Variants in NR5A2 observed in about 807,000 individuals in gnomAD.
The protein encoded by NR5A2 is CYP7A promoter-binding factor.
In NR5A2, 26 loss-of-function variants were observed where a neutral mutation model predicts 62.7. The observed-to-expected ratio is 0.41, with a 90% CI of 0.30 to 0.58. The LOEUF (loss-of-function observed/expected upper bound fraction) is 0.58. Among genes scored for constraint, NR5A2 ranks in the 20% least tolerant of loss-of-function variants. The pLI is 0.22. For missense variants in NR5A2, 541 were observed against 669.1 expected (o/e 0.81, Z 2.11); for synonymous variants, 246 against 241.7 (o/e 1.02, Z -0.16).
intron 7 of NR5A2, among the ~76,000 whole-genome samples, chr1:200,157,734 A>G (rs1272551884): frequency 1.3e-5 from 2 of 152,232 alleles, no homozygotes; most frequent in African/African-American, 4.8e-5. Context: ...CTTGTTAGGC[A>G]ACTAGTTTCC....
In NR5A2 at chr1:200,177,124, G is replaced by T. The variant is rs952234783; in HGVS notation, c.*2914G>T. On this transcript the variant is annotated 3_prime_UTR_variant, in exon 8 of 8. Transcript: ENST00000367362. ...TGCCTTATCAATTACAGGATTTGCC[G>T]GTAAAAGCAGACTCAAATATAAAGG... The T allele has an allele frequency of 6.6e-6, 1 of 152,474 alleles. No homozygotes were observed. The highest frequency in any genetic ancestry group is 2.1e-4 in the South Asian group (1 of 4,824). 9.4% of individuals were successfully genotyped at this position (152,474 alleles called of 1,614,324 possible).
chr1:200,058,112 G>T (rs1265813430), intron 5 of NR5A2: 2 of 152,208 alleles, frequency 1.3e-5, no homozygotes, highest in African/African-American at 2.4e-5. Flanking sequence ...TGTACTTTCA[G>T]TAAAGTACTT....
chr1:200,174,768 C>T lies in NR5A2; in HGVS notation c.*558C>T, dbSNP rs1654344962. 1 of 152,632 alleles carries T rather than the reference C, an allele frequency of 6.6e-6. No homozygotes were observed. Among genetic ancestry groups the T allele is most frequent in the Non-Finnish European group, 1.5e-5 (1 of 68,054 alleles). The allele number at this position is 152,632 out of a possible 1,614,324, so 9.5% of individuals were successfully genotyped here. On this transcript the variant is annotated 3_prime_UTR_variant, in exon 8 of 8. Coordinates refer to ENST00000367362, the MANE Select transcript of NR5A2 (RefSeq NM_205860.3). ...TCTGTACTAAGGACCTGTGTTCAGC[C>T]ACACCCAGTGGTAGCTCCACCAAAT...
At chr1:200,138,757 C>T (rs1667329620) in intron 7 of NR5A2, among the ~76,000 whole-genome samples, 1 of 152,050 alleles carries the variant, frequency 6.6e-6, no homozygotes, top group South Asian at 2.1e-4. Context: ...GGACTTTCTA[C>T]TTTGTTCCTT....
At chr1:200,086,013 A>ACCT (rs1378034274) in intron 5 of NR5A2, among the ~76,000 whole-genome samples, 1 of 151,976 alleles carries the variant, frequency 6.6e-6, no homozygotes, top group African/African-American at 2.4e-5. Flanking sequence ...GTCCATAGTC[A>ACCT]CCTCTGTCCA....
At chr1:200,031,735 C>T (rs1402513795) in intron 1 of NR5A2, among the ~76,000 whole-genome samples, 7 of 152,066 alleles carry the variant, frequency 4.6e-5, no homozygotes, top group South Asian at 2.1e-4. Context: ...CACGCCACCA[C>T]GCCTGGCTAA....
At chr1:200,064,545 G>A (rs1663382740) in intron 5 of NR5A2, among the ~76,000 whole-genome samples, 1 of 152,128 alleles carries the variant, frequency 6.6e-6, no homozygotes, top group South Asian at 2.1e-4. Flanking sequence ...GGGTAAAGCT[G>A]GACAGGTGAG....
At chr1:200,109,838 C>G (rs1665857494) in intron 5 of NR5A2, among the ~76,000 whole-genome samples, 1 of 152,212 alleles carries the variant, frequency 6.6e-6, no homozygotes. Context: ...GATCTCTGCT[C>G]ACTGCAATCT....
Position 200,048,316 on chromosome 1 carries a change from T to C in NR5A2, c.608T>C (p.Met203Thr). 1 of 1,614,174 alleles carries C rather than the reference T, an allele frequency of 6.2e-7. No individual in the cohort carries two copies. The highest frequency in any genetic ancestry group is 2.2e-5 in the East Asian group (1 of 44,878). Residue 203 changes from methionine (M) to threonine (T), a missense_variant, in exon 5 of 8, where the codon ATG becomes ACG. This residue lies in a region of NR5A2 where 379 missense variants were observed against 442.0 expected (regional missense o/e 0.86). Coordinates refer to ENST00000367362, the MANE Select transcript of NR5A2 (RefSeq NM_205860.3). The surrounding 1 kb of genome is among the most constrained non-coding windows in gnomAD (Gnocchi z 4.8). ...LEAMSQVIQA[M>T]PSDLTISSAI... ...GCCATGTCTCAGGTGATCCAAGCTATGCCCTCTGACCTGACCATTTCCTCT... is the reference window on the plus strand; with the variant it reads ...GCCATGTCTCAGGTGATCCAAGCTACGCCCTCTGACCTGACCATTTCCTCT...
intron 5 of NR5A2, chr1:200,058,401 G>A (rs1408057851): frequency 1.3e-5 from 2 of 152,154 alleles, no homozygotes; most frequent in African/African-American, 4.8e-5. Context: ...AGGTCTTAAA[G>A]GACTTGTATT....
At chr1:200,152,172 G>C (rs909902386) in intron 7 of NR5A2, among the ~76,000 whole-genome samples, 2 of 152,164 alleles carry the variant, frequency 1.3e-5, no homozygotes, top group Non-Finnish European at 2.9e-5. Context: ...AAGTTCTCTA[G>C]CATTTCAGCA....
intron 3 of NR5A2, 178 bp downstream of exon 3, chr1:200,044,070 G>T: frequency 2.2e-6 from 1 of 464,798 alleles, no homozygotes; most frequent in African/African-American, 2.0e-5. Flanking sequence ...TAGTTCAAAA[G>T]GCAAAGAAAT....
chr1:200,147,225 G>A lies in NR5A2; in HGVS notation c.1378+26270G>A, dbSNP rs1667744488. 6.6e-6 allele frequency among the ~76,000 whole-genome samples: 1 copy of A among 152,246 alleles called. No individual in the cohort carries two copies. On this transcript the variant is annotated intron_variant, in intron 7 of 7. Coordinates refer to ENST00000367362, the MANE Select transcript of NR5A2 (RefSeq NM_205860.3). This position sits in a 1 kb window ranked among gnomAD's most constrained non-coding sequence, Gnocchi z 4.9. ...AGAGGGGGGCACCTCGCTGAAGCCA[G>A]CGAGGCCGCTGCACCACGTGGTGTC... is the stretch of plus-strand genomic sequence containing the variant.
intron 7 of NR5A2, among the ~76,000 whole-genome samples, chr1:200,128,055 T>C (rs1666806903): frequency 6.6e-6 from 1 of 152,110 alleles, no homozygotes. Context: ...AGTAATTATA[T>C]AGCTCTTAAT....
Position 200,150,001 on chromosome 1 carries a change from A to T in NR5A2, c.1379-23962A>T, listed in dbSNP as rs894268029. On this transcript the variant is annotated intron_variant, in intron 7 of 7. Coordinates refer to ENST00000367362, the MANE Select transcript of NR5A2 (RefSeq NM_205860.3). ...AGTTTATATCACTTATGTAAAGCGT[A>T]TAACTCCAAAGCTTTGCAATAGGTG... 7.2e-5 allele frequency among the ~76,000 whole-genome samples: 11 copies of T among 152,210 alleles called. 1 individual carries two copies. The highest frequency in any genetic ancestry group is 7.2e-4 in the Admixed American group (11 of 15,286).
intron 5 of NR5A2, among the ~76,000 whole-genome samples, chr1:200,052,776 G>A (rs935533536): frequency 6.6e-6 from 1 of 151,848 alleles, no homozygotes; most frequent in Admixed American, 6.6e-5. Flanking sequence ...TGAGTAGCTG[G>A]GACTACAGGT....
At chr1:200,088,641 T>C (rs760230514) in intron 5 of NR5A2, among the ~76,000 whole-genome samples, 3 of 152,154 alleles carry the variant, frequency 2.0e-5, no homozygotes, top group Non-Finnish European at 4.4e-5. Context: ...CTCCTGAAAA[T>C]AGAACACCAC....
chr1:200,166,658 G>C (rs1449280196), intron 7 of NR5A2, among the ~76,000 whole-genome samples: 2 of 152,082 alleles, frequency 1.3e-5, no homozygotes, highest in African/African-American at 4.8e-5. Context: ...AGCCCTGCAG[G>C]GTTCAGATTC....
chr1:200,136,063 C>A (rs574288573), intron 7 of NR5A2, among the ~76,000 whole-genome samples: 1 of 152,276 alleles, frequency 6.6e-6, no homozygotes, highest in South Asian at 2.1e-4. Flanking sequence ...CACTTTAATT[C>A]ATCTATCATA....
Sources: allele counts gnomAD v4.1 joint callset (sites outside exome capture counted in the v4.1 genomes callset), GRCh38; gene constraint gnomAD v4.1.1; regional missense constraint gnomAD v4.1.1; non-coding constraint Gnocchi (gnomAD v3.1); transcripts MANE v1.5; gene names NCBI Gene and HGNC (gene_info 2026-07-23, HGNC 2026-07-21).